NRG3: variants seen among roughly 807,000 people sequenced by gnomAD.
NRG3 encodes neuregulin 3.
In NRG3, 31 loss-of-function variants were observed where a neutral mutation model predicts 66.9. The observed-to-expected ratio is 0.46, with a 90% CI of 0.35 to 0.63. The LOEUF is 0.63. Among genes scored for constraint, NRG3 ranks in the 20% least tolerant of loss-of-function variants. The probability of loss-of-function intolerance (pLI) is 0.00; values close to 1 mark genes in which losing one functional copy is unlikely to be tolerated. For missense variants in NRG3, 910 were observed against 878.9 expected (o/e 1.04, Z -0.45); for synonymous variants, 393 against 359.4 (o/e 1.09, Z -1.06).
At chr10:82,276,678 T>C (rs1385039126) in intron 1 of NRG3, among the ~76,000 whole-genome samples, 1 of 152,060 alleles carries the variant, frequency 6.6e-6, no homozygotes, top group Non-Finnish European at 1.5e-5. Flanking sequence ...AATATATAAC[T>C]TGTAGAACAT....
chr10:82,294,891 A>T (rs968179747), intron 1 of NRG3, among the ~76,000 whole-genome samples: 3 of 152,174 alleles, frequency 2.0e-5, no homozygotes, highest in African/African-American at 7.2e-5. Context: ...CTAGCTTTTA[A>T]TTCTGATTTT....
At chr10:82,957,739 A>G (rs754954352) in intron 5 of NRG3, among the ~76,000 whole-genome samples, 9 of 152,020 alleles carry the variant, frequency 5.9e-5, no homozygotes, top group Non-Finnish European at 1.3e-4. Context: ...AGTGATCTCA[A>G]ATCAGTTGTG....
At chr10:82,376,751 T>A (rs1410954149) in intron 2 of NRG3, among the ~76,000 whole-genome samples, 1 of 152,212 alleles carries the variant, frequency 6.6e-6, no homozygotes, top group Non-Finnish European at 1.5e-5. Context: ...AGGTTTTCCA[T>A]GGCTGCATGT....
intron 1 of NRG3, among the ~76,000 whole-genome samples, chr10:82,196,206 A>C (rs1243587209): frequency 6.6e-6 from 1 of 152,218 alleles, no homozygotes; most frequent in African/African-American, 2.4e-5. Context: ...GCTGTGCCTC[A>C]GAACAGTGCC....
chr10:81,896,431 G>C (rs746661403), intron 1 of NRG3, among the ~76,000 whole-genome samples: 43 of 152,264 alleles, frequency 2.8e-4, no homozygotes, highest in Non-Finnish European at 6.2e-4. Context: ...GCTTAGTAAA[G>C]AATACTTTTC....
intron 1 of NRG3, among the ~76,000 whole-genome samples, chr10:82,297,673 T>G (rs2080149715): frequency 6.6e-6 from 1 of 152,152 alleles, no homozygotes. Context: ...TTGAGATGGA[T>G]CATAATGTAT....
intron 1 of NRG3, among the ~76,000 whole-genome samples, chr10:82,050,856 G>A (rs207471189): frequency 3.4e-3 from 340 of 98,738 alleles, no homozygotes; most frequent in Non-Finnish European, 6.9e-3. Context: ...TCTACCCACC[G>A]TTCATCTTTA....
At chr10:82,465,969 A>T (rs1840637026) in intron 2 of NRG3, among the ~76,000 whole-genome samples, 1 of 152,098 alleles carries the variant, frequency 6.6e-6, no homozygotes, top group Admixed American at 6.5e-5. Flanking sequence ...TAGAGGCCTG[A>T]TGTCTCTATC....
At chr10:82,220,191 T>C (rs2484890) in intron 1 of NRG3, among the ~76,000 whole-genome samples, 11 of 77,808 alleles carry the variant, frequency 1.4e-4, no homozygotes, top group South Asian at 4.9e-4. Context: ...CTTTACTGTG[T>C]GTGTGTGTGT....
At chr10:82,268,802 G>A (rs1233921589) in intron 1 of NRG3, among the ~76,000 whole-genome samples, 26 of 152,062 alleles carry the variant, frequency 1.7e-4, no homozygotes, top group Non-Finnish European at 1.5e-5. Context: ...GGGATAGATG[G>A]TAAGTCTATA....
rs144231301 is a variant in NRG3, at chr10:82,608,235, A to G, written c.954-130342A>G. On this transcript the variant is annotated intron_variant, in intron 2 of 8. Transcript: ENST00000372141. Reference sequence around the variant, plus strand: ...TGGGTTTTTTGTTTCAGCACTTTAAATTCTTTCCTGCACAGCTTCTGTTGA... The same window carrying G: ...TGGGTTTTTTGTTTCAGCACTTTAAGTTCTTTCCTGCACAGCTTCTGTTGA... Among the ~76,000 whole-genome samples, 410 of 152,266 alleles carry G rather than the reference A, an allele frequency of 2.7e-3. 1 individual carries two copies. The highest frequency in any genetic ancestry group is 9.5e-3 in the African/African-American group (393 of 41,560).
intron 2 of NRG3, among the ~76,000 whole-genome samples, chr10:82,362,547 G>GTTTTTTTTTTTTTTTT (rs1564840163): frequency 1.3e-4 from 6 of 47,268 alleles, no homozygotes; most frequent in African/African-American, 2.7e-4. Context: ...ATAATTTCTG[G>GTTTTTTTTTTTTTTTT]GTTTTTTTTT....
chr10:82,664,231 T>C (rs986696727), intron 2 of NRG3, among the ~76,000 whole-genome samples: 2 of 152,200 alleles, frequency 1.3e-5, no homozygotes, highest in Non-Finnish European at 2.9e-5. Flanking sequence ...GTTTAAATAA[T>C]ACTGCCATAC....
At chr10:82,209,234 A>G (rs2075278402) in intron 1 of NRG3, among the ~76,000 whole-genome samples, 1 of 152,228 alleles carries the variant, frequency 6.6e-6, no homozygotes. Flanking sequence ...TGCTGCATAT[A>G]GCATGCTACT....
chr10:82,806,886 A>G (rs1279257474), intron 3 of NRG3, among the ~76,000 whole-genome samples: 1 of 152,068 alleles, frequency 6.6e-6, no homozygotes. Context: ...AACCCTTCCT[A>G]TTTCTATTTG....
chr10:82,423,777 A>G (rs1292269597), intron 2 of NRG3, among the ~76,000 whole-genome samples: 3 of 151,998 alleles, frequency 2.0e-5, no homozygotes, highest in African/African-American at 7.2e-5. Context: ...TCACTCAGAA[A>G]GAAACCTCAT....
chr10:82,406,954 T>C (rs1324532700), intron 2 of NRG3, among the ~76,000 whole-genome samples: 2 of 152,130 alleles, frequency 1.3e-5, no homozygotes, highest in Non-Finnish European at 2.9e-5. Context: ...TCATCATTAC[T>C]ATTCTTTTTA....
At chr10:82,796,471 A>G (rs966130504) in intron 3 of NRG3, among the ~76,000 whole-genome samples, 1 of 152,110 alleles carries the variant, frequency 6.6e-6, no homozygotes, top group African/African-American at 2.4e-5. Flanking sequence ...AACTAATCAA[A>G]TGGAATGTCC....
intron 2 of NRG3, among the ~76,000 whole-genome samples, chr10:82,599,152 A>C (rs2133379485): frequency 6.6e-6 from 1 of 152,338 alleles, no homozygotes; most frequent in Admixed American, 6.5e-5. Context: ...TTTTTTTCTG[A>C]GAATAATTGA....
Sources: allele counts gnomAD v4.1 joint callset (sites outside exome capture counted in the v4.1 genomes callset), GRCh38; gene constraint gnomAD v4.1.1; transcripts MANE v1.5; gene names NCBI Gene and HGNC (gene_info 2026-07-23, HGNC 2026-07-21).